The following PHF10 variants were observed in gnomAD, a reference collection of about 807,000 sequenced individuals.
The protein encoded by PHF10 is BRG1-associated factor 45a.
In PHF10, 51 loss-of-function variants were observed where a neutral mutation model predicts 68.5. The observed-to-expected ratio is 0.74, with a 90% CI of 0.59 to 0.94. The LOEUF is 0.94. PHF10 is among the 40% of genes least tolerant of loss of function. The pLI, the probability that PHF10 is intolerant of heterozygous loss-of-function variation, is 0.00. For missense variants in PHF10, 460 were observed against 602.6 expected, an observed-to-expected ratio of 0.76 and a Z score of 2.48; for synonymous variants, 204 against 203.5, an observed-to-expected ratio of 1.00 and a Z score of -0.02.
At chr6:169,723,734 C>T (rs1276806650) in intron 1 of PHF10, 111 bp downstream of exon 1, 22 of 298,344 alleles carry the variant, frequency 7.4e-5, no homozygotes, top group Non-Finnish European at 1.1e-4. Flanking sequence ...GGCGCCCGGC[C>T]TGGGCCCACG....
At chr6:169,706,739 C>T (rs879803656) in intron 9 of PHF10, among the ~76,000 whole-genome samples, 4,254 of 110,724 alleles carry the variant, frequency 0.038, 56 homozygotes, top group South Asian at 0.051. Flanking sequence ...CACACACACA[C>T]ACACACACAC....
At chr6:169,706,454 G>T (rs748685155) in intron 9 of PHF10, among the ~76,000 whole-genome samples, 1 of 152,106 alleles carries the variant, frequency 6.6e-6, no homozygotes, top group African/African-American at 2.4e-5. Flanking sequence ...CGAACACTCT[G>T]AGTACTACTG....
chr6:169,721,587 T>C (rs1030446247), intron 1 of PHF10, among the ~76,000 whole-genome samples: 4 of 152,162 alleles, frequency 2.6e-5, no homozygotes, highest in Admixed American at 2.0e-4. Flanking sequence ...ACTGCTAAAA[T>C]TTAGCAAAAA....
At position 169,718,784 on chromosome 6, in the gene PHF10, G is replaced by C. The variant is rs371893528; in HGVS notation, c.325+4C>G. The C allele has an allele frequency of 2.7e-6, 4 of 1,506,946 alleles. No individual in the cohort carries two copies. The African/African-American group carries it at 4.1e-5, about 16-fold the overall frequency. The allele number at this position is 1,506,946 out of a possible 1,614,324, so 93.3% of individuals were successfully genotyped here. ...ATAAATTAATCTATTATATAAACTA[G>C]TACCTGGATATTTCCTTTTAAAGGA... On this transcript the variant is annotated splice_donor_region_variant and intron_variant, in intron 3 of 11. Coordinates refer to ENST00000339209, the MANE Select transcript of PHF10 (RefSeq NM_018288.4).
chr6:169,719,914 G>A (rs1335444591), intron 2 of PHF10, among the ~76,000 whole-genome samples: 1 of 151,788 alleles, frequency 6.6e-6, no homozygotes, highest in Non-Finnish European at 1.5e-5. Flanking sequence ...GAAAATATGT[G>A]TAAATCATAT....
At chr6:169,718,045 AT>A in intron 3 of PHF10, 139 bp from the exon 4 acceptor site, 1 of 472,730 alleles carries the variant, frequency 2.1e-6, no homozygotes, top group South Asian at 4.9e-5. Flanking sequence ...CTACAAAAAA[AT>A]TTATAAATTC....
Position 169,717,932 on chromosome 6 carries a change from T to C in PHF10, c.326-26A>G, listed in dbSNP as rs752403462. ...CTCCAAAAAAAAGATCAAAAGACTATTAAAAACAGCAAAACCTTATGCACT... is the reference window on the plus strand; with the variant it reads ...CTCCAAAAAAAAGATCAAAAGACTACTAAAAACAGCAAAACCTTATGCACT... On this transcript the variant is annotated intron_variant, in intron 3 of 11. Coordinates refer to ENST00000339209, the MANE Select transcript of PHF10 (RefSeq NM_018288.4). 8.5e-7 allele frequency: 1 copy of C among 1,180,394 alleles called. No homozygotes were observed. Among genetic ancestry groups the C allele is most frequent in the South Asian group, 1.5e-5 (1 of 68,550 alleles). 73.1% of individuals were successfully genotyped at this position (1,180,394 alleles called of 1,614,324 possible).
intron 1 of PHF10, 29 bp downstream of exon 1, chr6:169,723,816 G>C (rs923970602): frequency 1.2e-6 from 1 of 832,876 alleles, no homozygotes; most frequent in African/African-American, 1.8e-5. Flanking sequence ...GACGGGGTCA[G>C]GGTCGGGTCG....
Position 169,712,475 on chromosome 6 carries a change from G to C in PHF10, c.868C>G (p.Pro290Ala). The change falls in exon 8 of 12, where the codon CCT (proline) becomes GCT (alanine). Residue 290 changes from proline (P) to alanine (A), a missense_variant. Coordinates refer to ENST00000339209, the MANE Select transcript of PHF10 (RefSeq NM_018288.4). Reference sequence around the variant, plus strand: ...TCACTGTCTAGAGCAGGGAGCTCAGGATCCAGAGGGGGCTCATACAGGGCT... The same window carrying C: ...TCACTGTCTAGAGCAGGGAGCTCAGCATCCAGAGGGGGCTCATACAGGGCT... The part of the protein sequence containing the change: ...NTALYEPPLD[P>A]ELPALDSDGD... 1 of 1,613,708 alleles carries C rather than the reference G, an allele frequency of 6.2e-7. No individual in the cohort carries two copies. The highest frequency in any genetic ancestry group is 8.5e-7 in the Non-Finnish European group (1 of 1,179,634).
At chr6:169,713,898 C>G (rs1243995036) in intron 7 of PHF10, among the ~76,000 whole-genome samples, 1 of 152,082 alleles carries the variant, frequency 6.6e-6, no homozygotes, top group African/African-American at 2.4e-5. Flanking sequence ...CCAAGGTGGG[C>G]GGATCACTAG....
At chr6:169,705,405 C>G in intron 10 of PHF10, 84 bp from the exon 11 acceptor site, 2 of 953,128 alleles carry the variant, frequency 2.1e-6, no homozygotes. Context: ...TGCTTTAGGA[C>G]TTCCAGAGAA....
At position 169,715,703 on chromosome 6, in the gene PHF10, C is replaced by T. The variant is rs1454288935; in HGVS notation, c.693+5G>A. 2 of 1,610,594 alleles carry T rather than the reference C, an allele frequency of 1.2e-6. No individual in the cohort carries two copies. The highest frequency in any genetic ancestry group is 1.7e-6 in the Non-Finnish European group (2 of 1,179,056). On this transcript the variant is annotated splice_donor_5th_base_variant and intron_variant, in intron 6 of 11. Transcript: ENST00000339209. ...TCAGGGGGTACTAAATTTAAGTTATCCTACATGTGTCTGCAAGTCAAAATA... is the reference window on the plus strand; with the variant it reads ...TCAGGGGGTACTAAATTTAAGTTATTCTACATGTGTCTGCAAGTCAAAATA...
Position 169,710,400 on chromosome 6 carries a change from T to G in PHF10, c.958-9A>C. On this transcript the variant is annotated splice_polypyrimidine_tract_variant and intron_variant, in intron 8 of 11. Coordinates refer to ENST00000339209, the MANE Select transcript of PHF10 (RefSeq NM_018288.4). ...TTGCCAGAGGAGCTGTCCTGGAGTT[T>G]AAAAGGCAAAAACAAAGATTCTTTG... is the stretch of plus-strand genomic sequence containing the variant. 2 of 1,603,176 alleles carry G rather than the reference T, an allele frequency of 1.2e-6. No individual in the cohort carries two copies. Among genetic ancestry groups the G allele is most frequent in the Non-Finnish European group, 1.7e-6 (2 of 1,173,356 alleles).
intron 9 of PHF10, 55 bp downstream of exon 9, chr6:169,710,181 T>C (rs776437450): frequency 7.4e-7 from 1 of 1,342,892 alleles, no homozygotes; most frequent in Non-Finnish European, 1.0e-6. Context: ...AGTTAAAATA[T>C]TTCAGGGAGA....
chr6:169,721,530 G>A (rs1585306307), intron 1 of PHF10, among the ~76,000 whole-genome samples: 1 of 152,240 alleles, frequency 6.6e-6, no homozygotes, highest in East Asian at 1.9e-4. Flanking sequence ...GTGAAAAGGG[G>A]ACATATGAGA....
At chr6:169,706,723 TACATACACACACACACACACAC>T (rs1162582396) in intron 9 of PHF10, among the ~76,000 whole-genome samples, 8 of 72,452 alleles carry the variant, frequency 1.1e-4, no homozygotes, top group East Asian at 3.2e-4. Context: ...CATACATACA[TACATACACACACACACACACAC>T]ACACACACAC....
At chr6:169,717,135 C>A (rs2128330725) in intron 4 of PHF10, among the ~76,000 whole-genome samples, 1 of 152,148 alleles carries the variant, frequency 6.6e-6, no homozygotes, top group East Asian at 1.9e-4. Flanking sequence ...GCCTGTAGTA[C>A]CAGCTACTCG....
At chr6:169,723,089 C>CG (rs1789219994) in intron 1 of PHF10, among the ~76,000 whole-genome samples, 1 of 152,222 alleles carries the variant, frequency 6.6e-6, no homozygotes, top group Non-Finnish European at 1.5e-5. Context: ...AACGCGCACA[C>CG]GGCACACCGC....
chr6:169,716,307 A>G (rs1266269774), intron 4 of PHF10, among the ~76,000 whole-genome samples: 1 of 152,194 alleles, frequency 6.6e-6, no homozygotes, highest in Non-Finnish European at 1.5e-5. Flanking sequence ...AAATATATCA[A>G]TTTTTCAACC....
Sources: gnomAD v4.1 joint callset for allele counts (sites outside exome capture counted in the v4.1 genomes callset) on GRCh38, gnomAD v4.1.1 for gene constraint, MANE v1.5 for transcripts, NCBI Gene and HGNC (gene_info 2026-07-23, HGNC 2026-07-21) for gene names.